RAG1: variants seen among roughly 807,000 people sequenced by gnomAD.
RAG1 encodes V(D)J recombination-activating protein 1.
RAG1 carries 35 observed loss-of-function variants against 62.7 expected under a neutral mutation model. That is an observed-to-expected ratio of 0.56 (90% confidence interval 0.43 to 0.74). The LOEUF (loss-of-function observed/expected upper bound fraction) is 0.74, where lower values mean the gene tolerates loss of function less well. Among genes scored for constraint, RAG1 ranks in the 30% least tolerant of loss-of-function variants. The pLI is 0.00. For missense variants in RAG1, 1,169 were observed against 1,278.6 expected (o/e 0.91, Z 1.31); for synonymous variants, 461 against 470.3 (o/e 0.98, Z 0.26).
Position 36,577,766 on chromosome 11 carries a change from C to G in RAG1, c.*1330C>G, listed in dbSNP as rs747723624. On this transcript the variant is annotated 3_prime_UTR_variant, in exon 2 of 2. Transcript: ENST00000299440. ...AACACAGTCCTTTTGTCTCCAAAGC[C>G]CTTCTTCTTTCCACCACAAATTAAT... is the stretch of plus-strand genomic sequence containing the variant. 1 of 167,030 alleles carries G rather than the reference C, an allele frequency of 6.0e-6. No individual in the cohort carries two copies. Among genetic ancestry groups the G allele is most frequent in the Non-Finnish European group, 1.5e-5 (1 of 68,110 alleles). 10.3% of individuals were successfully genotyped at this position (167,030 alleles called of 1,614,324 possible). A position where few individuals can be genotyped will look rare whatever the true frequency, so the allele number is the denominator to read the frequency against.
rs762860350 is a variant in RAG1 at position 36,573,952 on chromosome 11, T to A, written c.648T>A (p.Thr216=). The A allele has an allele frequency of 5.6e-6, 9 of 1,613,966 alleles. No homozygotes were observed. The highest frequency in any genetic ancestry group is 3.3e-4 in the Middle Eastern group (2 of 6,084). Residue 216 remains threonine, a synonymous_variant, in exon 2 of 2, where the codon ACT becomes ACA. Coordinates refer to ENST00000299440, the MANE Select transcript of RAG1 (RefSeq NM_000448.3). ...PHTPSCDICN[T]ARRGLKRKSL... ...CACCATCCTGTGACATCTGCAACACTGCCCGTCGGGGACTCAAGAGGAAGA... is the reference window on the plus strand; with the variant it reads ...CACCATCCTGTGACATCTGCAACACAGCCCGTCGGGGACTCAAGAGGAAGA...
intron 2 of RAG1, among the ~76,000 whole-genome samples, chr11:36,527,395 G>A (rs956960328): frequency 2.6e-5 from 4 of 152,118 alleles, no homozygotes; most frequent in African/African-American, 9.7e-5. Flanking sequence ...GATTGTTGTA[G>A]ATATGTGGTG....
At chr11:36,542,977 C>T (rs944037447) in intron 3 of RAG1, among the ~76,000 whole-genome samples, 3 of 152,196 alleles carry the variant, frequency 2.0e-5, no homozygotes, top group African/African-American at 7.2e-5. Context: ...TAGGAATCCC[C>T]ATCAACTCAA....
chr11:36,564,644 C>T (rs1014767577), upstream of RAG1, among the ~76,000 whole-genome samples: 4 of 152,162 alleles, frequency 2.6e-5, no homozygotes, highest in Admixed American at 6.6e-5. Flanking sequence ...CTGCAGCCGA[C>T]GTTTAGAGCA....
chr11:36,543,287 C>G lies in RAG1; in HGVS notation c.-412+7253C>G, dbSNP rs1850338847. Among the ~76,000 whole-genome samples the G allele has an allele frequency of 2.6e-5, 4 of 152,176 alleles. No homozygotes were observed. In the South Asian group the frequency reaches 8.3e-4, roughly 31 times the overall value. On this transcript the variant is annotated intron_variant and NMD_transcript_variant, in intron 3 of 9. Transcript: ENST00000534663. ...CTTCTCTTTGGAAGTGTGAGGTTGC[C>G]TCTCAACTACTTCTGTGTCCTTTTC...
intron 1 of RAG1, among the ~76,000 whole-genome samples, chr11:36,514,464 T>C (rs536165634): frequency 6.6e-6 from 1 of 152,270 alleles, no homozygotes; most frequent in South Asian, 2.1e-4. Flanking sequence ...GGCAGAGGGA[T>C]GGTTTTGGGT....
At chr11:36,517,655 C>T (rs535350286) in intron 1 of RAG1, among the ~76,000 whole-genome samples, 4 of 152,234 alleles carry the variant, frequency 2.6e-5, no homozygotes, top group East Asian at 1.9e-4. Flanking sequence ...ATGGTGTGGT[C>T]GTTAATACCT....
intron 3 of RAG1, among the ~76,000 whole-genome samples, chr11:36,562,230 G>A (rs1397202819): frequency 6.6e-6 from 1 of 152,186 alleles, no homozygotes; most frequent in Non-Finnish European, 1.5e-5. Context: ...AATTCTAAGA[G>A]TTTGCCTTGA....
chr11:36,526,839 T>A (rs375915407), intron 2 of RAG1, among the ~76,000 whole-genome samples: 1 of 152,258 alleles, frequency 6.6e-6, no homozygotes, highest in Admixed American at 6.5e-5. Flanking sequence ...CCAGTGATGA[T>A]GAGCATTTCT....
In RAG1 at chr11:36,561,956, G is replaced by A. The variant is rs112385408; in HGVS notation, c.-411-1429G>A. Among the ~76,000 whole-genome samples, 908 of 152,244 alleles carry A rather than the reference G, an allele frequency of 6.0e-3. 10 individuals are homozygous for A. The highest frequency in any genetic ancestry group is 0.02 in the Middle Eastern group (6 of 294). On this transcript the variant is annotated intron_variant and NMD_transcript_variant, in intron 3 of 9. Transcript: ENST00000534663. ...AGCAGAGAGAATGGCCAATGTCAGC[G>A]TATCCGGACATTTTGAGGACCAGCA...
chr11:36,560,910 G>A lies in RAG1; in HGVS notation c.-411-2475G>A, dbSNP rs1850574889. Among the ~76,000 whole-genome samples the A allele has an allele frequency of 1.3e-5, 2 of 152,160 alleles. 1 individual carries two copies. Among genetic ancestry groups the A allele is most frequent in the South Asian group, 4.1e-4 (2 of 4,830 alleles). ...TTCGTCACTTCCTTGCTGAATTCTA[G>A]TGTTCCGCGTTAGACGCTGTACTCA... On this transcript the variant is annotated intron_variant and NMD_transcript_variant, in intron 3 of 9. Transcript: ENST00000534663.
intron 2 of RAG1, among the ~76,000 whole-genome samples, chr11:36,521,539 G>T (rs1336577900): frequency 6.6e-6 from 1 of 152,150 alleles, no homozygotes; most frequent in Non-Finnish European, 1.5e-5. Flanking sequence ...AAATTGCTCA[G>T]TCTTGGGTAT....
intron 1 of RAG1, among the ~76,000 whole-genome samples, chr11:36,572,031 C>T (rs1269034036): frequency 5.9e-5 from 9 of 152,196 alleles, no homozygotes; most frequent in African/African-American, 7.2e-5. Flanking sequence ...CTTGCCCCTC[C>T]GTACCTCCTA....
intron 3 of RAG1, among the ~76,000 whole-genome samples, chr11:36,549,829 A>C (rs1032006647): frequency 2.6e-5 from 4 of 152,168 alleles, no homozygotes; most frequent in African/African-American, 9.7e-5. Flanking sequence ...TGTTTATTGC[A>C]GCACTGTACA....
At chr11:36,547,694 G>T (rs1850418350) in intron 3 of RAG1, among the ~76,000 whole-genome samples, 1 of 152,132 alleles carries the variant, frequency 6.6e-6, no homozygotes, top group African/African-American at 2.4e-5. Context: ...TCTACCAGAG[G>T]TACAAAGAGG....
chr11:36,533,980 C>T (rs1019929451), intron 2 of RAG1, among the ~76,000 whole-genome samples: 7 of 151,840 alleles, frequency 4.6e-5, no homozygotes, highest in African/African-American at 1.7e-4. Flanking sequence ...GTATTTTTAG[C>T]TCTTTAAATA....
At chr11:36,512,855 T>A (rs1859945070) in intron 1 of RAG1, among the ~76,000 whole-genome samples, 1 of 152,210 alleles carries the variant, frequency 6.6e-6, no homozygotes, top group South Asian at 2.1e-4. Flanking sequence ...TTTTGTCCAG[T>A]TGTCCTTATA....
chr11:36,530,169 C>A lies in RAG1; in HGVS notation n.429-5790C>A, dbSNP rs369508168. On this transcript the variant is annotated intron_variant and non_coding_transcript_variant, in intron 2 of 2. Transcript: ENST00000529126. ...AATCTGCAGGGTCTATACTGATATC[C>A]CTGTTTCATTCCTGACATTGGTAAC... is the stretch of plus-strand genomic sequence containing the variant. Among the ~76,000 whole-genome samples, 57 of 151,768 alleles carry A rather than the reference C, an allele frequency of 3.8e-4. 1 individual carries two copies. In the South Asian group the frequency reaches 0.011, roughly 31 times the overall value.
upstream of RAG1, among the ~76,000 whole-genome samples, chr11:36,564,959 G>A (rs899120076): frequency 4.6e-5 from 7 of 152,120 alleles, no homozygotes; most frequent in African/African-American, 7.2e-5. Context: ...CTGGGAGATC[G>A]GATTTGTAAT....
Sources: allele counts gnomAD v4.1 joint callset (sites outside exome capture counted in the v4.1 genomes callset), GRCh38; gene constraint gnomAD v4.1.1; transcripts MANE v1.5; gene names NCBI Gene and HGNC (gene_info 2026-07-23, HGNC 2026-07-21).